The following NRXN3 variants were observed in gnomAD, a reference collection of about 807,000 sequenced individuals.
NRXN3 encodes the protein neurexin 3.
A neutral mutation model predicts 137.6 loss-of-function variants in NRXN3; 32 were observed. The ratio of observed to expected loss-of-function variants is 0.23; its 90% CI spans 0.18 to 0.31. NRXN3 has a LOEUF of 0.31. Ranked by LOEUF, NRXN3 falls within the 10% of genes least tolerant of loss-of-function variation. The pLI is 1.00. For missense variants in NRXN3, 1,574 were observed against 2,062.5 expected (o/e 0.76, Z 4.59); for synonymous variants, 798 against 784.5 (o/e 1.02, Z -0.29).
intron 10 of NRXN3, among the ~76,000 whole-genome samples, chr14:78,831,959 G>A (rs946490035): frequency 2.0e-5 from 3 of 151,916 alleles, no homozygotes; most frequent in African/African-American, 7.2e-5. Context: ...GTACAAGAGT[G>A]GGGTAATACC....
chr14:78,640,163 G>A, intron 4 of NRXN3, among the ~76,000 whole-genome samples: 1 of 152,102 alleles, frequency 6.6e-6, no homozygotes, highest in East Asian at 1.9e-4. Context: ...AGGTTGTTCT[G>A]CTAGGAACTT....
At chr14:78,929,291 T>C (rs966914662) in intron 10 of NRXN3, among the ~76,000 whole-genome samples, 1 of 152,196 alleles carries the variant, frequency 6.6e-6, no homozygotes, top group Non-Finnish European at 1.5e-5. Flanking sequence ...TTATACAGAT[T>C]ATTTCATCAC....
At chr14:79,732,603 T>C (rs2098927997) in intron 19 of NRXN3, among the ~76,000 whole-genome samples, 1 of 152,206 alleles carries the variant, frequency 6.6e-6, no homozygotes, top group Non-Finnish European at 1.5e-5. Context: ...CTTGCCTAGA[T>C]TAAAAACTGG....
chr14:78,352,349 T>A (rs1246363727), intron 4 of NRXN3, among the ~76,000 whole-genome samples: 2 of 152,234 alleles, frequency 1.3e-5, no homozygotes, highest in Non-Finnish European at 2.9e-5. Context: ...CTATATGTCC[T>A]TATCTCTGGA....
intron 15 of NRXN3, among the ~76,000 whole-genome samples, chr14:79,419,691 C>G (rs991792150): frequency 2.0e-5 from 3 of 152,070 alleles, no homozygotes; most frequent in African/African-American, 7.2e-5. Flanking sequence ...ATGGTGAAAT[C>G]AGCTGTAATC....
chr14:78,464,117 A>G (rs904944268), intron 4 of NRXN3, among the ~76,000 whole-genome samples: 23 of 148,730 alleles, frequency 1.5e-4, no homozygotes, highest in African/African-American at 5.5e-4. Flanking sequence ...CAATGGTATG[A>G]TCTCAGCTCG....
intron 17 of NRXN3, among the ~76,000 whole-genome samples, chr14:79,664,464 A>T (rs2098548643): frequency 6.6e-6 from 1 of 152,080 alleles, no homozygotes; most frequent in African/African-American, 2.4e-5. Context: ...CGTTTGGTGG[A>T]CTTTGCTAGT....
intron 1 of NRXN3, among the ~76,000 whole-genome samples, chr14:78,222,114 T>C (rs765249531): frequency 2.0e-5 from 3 of 152,116 alleles, no homozygotes; most frequent in Non-Finnish European, 4.4e-5. Flanking sequence ...GAGATACACA[T>C]GGCCCCAACA....
chr14:79,727,274 CG>C (rs11343029), intron 19 of NRXN3, among the ~76,000 whole-genome samples: 24,360 of 152,010 alleles, frequency 0.16, 2,113 homozygotes, highest in Middle Eastern at 0.21. Flanking sequence ...GGTTGGCTTC[CG>C]GTAAATTGCA....
intron 19 of NRXN3, among the ~76,000 whole-genome samples, chr14:79,791,810 C>T (rs1313664802): frequency 1.3e-5 from 2 of 152,098 alleles, no homozygotes; most frequent in African/African-American, 2.4e-5. Flanking sequence ...TTGTTTAGCT[C>T]TTTGTCCAGA....
intron 6 of NRXN3, among the ~76,000 whole-genome samples, chr14:78,653,822 G>T (rs777176388): frequency 5.3e-5 from 8 of 151,982 alleles, no homozygotes; most frequent in East Asian, 1.9e-4. Flanking sequence ...GGTAAAGGCA[G>T]TTCTGAAAAA....
At position 79,817,763 on chromosome 14, in the gene NRXN3, C is replaced by T. The variant is rs80071387; in HGVS notation, c.4093+12573C>T. Reference sequence around the variant, plus strand: ...TAACCTAAATATACGAAATAGCTGCCGGCCTCCTTGATAATAAAAGAAAGT... The same window carrying T: ...TAACCTAAATATACGAAATAGCTGCTGGCCTCCTTGATAATAAAAGAAAGT... On this transcript the variant is annotated intron_variant, in intron 20 of 20. Transcript: ENST00000335750. Among the ~76,000 whole-genome samples, 367 of 152,124 alleles carry T rather than the reference C, an allele frequency of 2.4e-3. 9 individuals are homozygous for T. In the East Asian group the frequency reaches 0.044, roughly 18 times the overall value.
At chr14:79,092,176 T>C (rs2049326100) in intron 15 of NRXN3, among the ~76,000 whole-genome samples, 1 of 152,188 alleles carries the variant, frequency 6.6e-6, no homozygotes, top group African/African-American at 2.4e-5. Flanking sequence ...AGTTCTAATA[T>C]GCAGGGAACA....
At chr14:78,782,110 A>C (rs1184515164) in intron 8 of NRXN3, among the ~76,000 whole-genome samples, 2 of 152,242 alleles carry the variant, frequency 1.3e-5, no homozygotes, top group East Asian at 3.8e-4. Context: ...AAGCTCCAGC[A>C]CATTGGTATT....
intron 19 of NRXN3, among the ~76,000 whole-genome samples, chr14:79,758,206 T>G (rs2099026404): frequency 6.6e-6 from 1 of 152,214 alleles, no homozygotes; most frequent in Non-Finnish European, 1.5e-5. Flanking sequence ...TTTGGCTTCC[T>G]GTCTTTGTTT....
chr14:78,762,771 A>G (rs778898755), intron 8 of NRXN3, among the ~76,000 whole-genome samples: 4 of 152,250 alleles, frequency 2.6e-5, no homozygotes, highest in South Asian at 2.1e-4. Context: ...TAAGTGCTCA[A>G]TAATTTTTAG....
chr14:79,393,171 T>C (rs1323733731), intron 15 of NRXN3, among the ~76,000 whole-genome samples: 1 of 151,876 alleles, frequency 6.6e-6, no homozygotes, highest in East Asian at 1.9e-4. Context: ...GTGAAGTCTT[T>C]GCTCACAGAA....
chr14:78,848,567 T>TTATCGATGC (rs796182564), intron 10 of NRXN3, among the ~76,000 whole-genome samples: 52 of 152,272 alleles, frequency 3.4e-4, no homozygotes, highest in African/African-American at 1.2e-3. Flanking sequence ...GTACATGAAG[T>TTATCGATGC]TATCGATGCA....
At chr14:79,086,255 C>A (rs1200968242) in intron 15 of NRXN3, among the ~76,000 whole-genome samples, 1 of 152,106 alleles carries the variant, frequency 6.6e-6, no homozygotes, top group East Asian at 1.9e-4. Context: ...CTGGGGACTC[C>A]TGAGGCAAAG....
Sources: gnomAD v4.1 joint callset for allele counts (sites outside exome capture counted in the v4.1 genomes callset) on GRCh38, gnomAD v4.1.1 for gene constraint, MANE v1.5 for transcripts, NCBI Gene and HGNC (gene_info 2026-07-23, HGNC 2026-07-21) for gene names.